DLC1: variants seen among roughly 807,000 people sequenced by gnomAD.
DLC1 encodes DLC1 Rho GTPase activating protein, also known as rho GTPase-activating protein 7.
Under a neutral mutation model 140.3 loss-of-function variants are expected in DLC1, and 54 were observed. The ratio of observed to expected loss-of-function variants is 0.38; its 90% CI spans 0.31 to 0.48. The LOEUF is 0.48. Among genes scored for constraint, DLC1 ranks in the 20% least tolerant of loss-of-function variants. The probability of loss-of-function intolerance (pLI) is 0.96; values close to 1 mark genes in which losing one functional copy is unlikely to be tolerated. For missense variants in DLC1, 2,536 were observed against 1,907.0 expected (o/e 1.33, Z -6.14); for synonymous variants, 986 against 728.1 (o/e 1.35, Z -5.70).
At chr8:13,485,055 A>C (rs923050196) in intron 2 of DLC1, among the ~76,000 whole-genome samples, 3 of 152,158 alleles carry the variant, frequency 2.0e-5, no homozygotes, top group African/African-American at 7.2e-5. Context: ...ACAACAATAA[A>C]AATCCCTAGA....
intron 2 of DLC1, among the ~76,000 whole-genome samples, chr8:13,480,458 A>G (rs1054701291): frequency 3.9e-5 from 6 of 152,166 alleles, no homozygotes; most frequent in African/African-American, 1.4e-4. Context: ...GATAGACTAT[A>G]TCTTCTTCCT....
intron 3 of DLC1, among the ~76,000 whole-genome samples, chr8:13,398,400 C>T (rs1048156263): frequency 1.3e-5 from 2 of 152,020 alleles, no homozygotes; most frequent in African/African-American, 4.8e-5. Context: ...TGAGAGACTG[C>T]ACTGGCACTG....
intron 2 of DLC1, among the ~76,000 whole-genome samples, chr8:13,410,774 G>C (rs1164916352): frequency 6.6e-6 from 1 of 152,102 alleles, no homozygotes; most frequent in East Asian, 1.9e-4. Context: ...TGTACTCTCT[G>C]TTTCCCCACT....
intron 5 of DLC1, among the ~76,000 whole-genome samples, chr8:13,119,966 C>A (rs1820899318): frequency 7.9e-6 from 1 of 127,036 alleles, no homozygotes; most frequent in Non-Finnish European, 1.8e-5. Context: ...TTTCTACATT[C>A]AAATGCCATA....
At chr8:13,162,620 G>C (rs892527638) in intron 5 of DLC1, among the ~76,000 whole-genome samples, 4 of 152,180 alleles carry the variant, frequency 2.6e-5, no homozygotes, top group African/African-American at 9.6e-5. Context: ...ACGGCTCCCA[G>C]CCAGTAGGCT....
At chr8:13,347,659 G>A (rs904524998) in intron 4 of DLC1, among the ~76,000 whole-genome samples, 2 of 152,164 alleles carry the variant, frequency 1.3e-5, no homozygotes, top group Non-Finnish European at 2.9e-5. Context: ...GTCACTTCCA[G>A]GATGCCTGGG....
intron 4 of DLC1, among the ~76,000 whole-genome samples, chr8:13,343,392 A>T (rs1035856248): frequency 3.3e-5 from 5 of 152,208 alleles, no homozygotes; most frequent in Non-Finnish European, 5.9e-5. Context: ...GTCCTCAATC[A>T]GTTATGATAA....
chr8:13,508,513 G>A (rs905233787), intron 1 of DLC1, among the ~76,000 whole-genome samples: 17 of 151,208 alleles, frequency 1.1e-4, no homozygotes, highest in African/African-American at 4.1e-4. Flanking sequence ...TGCCTCCCGA[G>A]TTCATGCCAT....
chr8:13,094,143 C>T (rs531882278), intron 12 of DLC1, among the ~76,000 whole-genome samples: 2 of 152,158 alleles, frequency 1.3e-5, no homozygotes, highest in African/African-American at 2.4e-5. Context: ...ATCTTCGTAC[C>T]TGATCTTTAT....
chr8:13,398,235 T>A (rs1345417255), intron 3 of DLC1, among the ~76,000 whole-genome samples: 1 of 152,008 alleles, frequency 6.6e-6, no homozygotes, highest in African/African-American at 2.4e-5. Context: ...AAGGAAGGGA[T>A]GAGCTAGAGC....
At chr8:13,459,985 G>T (rs78411848) in intron 2 of DLC1, among the ~76,000 whole-genome samples, 9,721 of 152,082 alleles carry the variant, frequency 0.064, 703 homozygotes, top group African/African-American at 0.18. Context: ...TGTGTCTGAA[G>T]CTACCCACCC....
intron 1 of DLC1, chr8:13,583,913 A>C (rs1435315599): frequency 6.6e-6 from 1 of 152,264 alleles, no homozygotes; most frequent in Non-Finnish European, 1.5e-5. Flanking sequence ...ATAAACATGC[A>C]CTGGATGACA....
At chr8:13,426,683 G>T (rs148829994) in intron 2 of DLC1, among the ~76,000 whole-genome samples, 25 of 152,258 alleles carry the variant, frequency 1.6e-4, no homozygotes, top group Admixed American at 6.5e-4. Context: ...TTAGAAATCA[G>T]TCCTTCTTCC....
intron 6 of DLC1, among the ~76,000 whole-genome samples, chr8:13,111,105 G>T (rs1346422891): frequency 6.6e-6 from 1 of 152,158 alleles, no homozygotes; most frequent in African/African-American, 2.4e-5. Flanking sequence ...AAACAAATCA[G>T]CAGGCAATGA....
upstream of DLC1, among the ~76,000 whole-genome samples, chr8:13,518,175 C>T (rs1802652294): frequency 6.6e-6 from 1 of 151,946 alleles, no homozygotes; most frequent in Admixed American, 6.6e-5. Flanking sequence ...TGGTGGTGAT[C>T]TCGGCTCAAG....
rs748788649 is a variant in DLC1, at chr8:13,488,609, C to A, written c.1023+10440G>T. Among the ~76,000 whole-genome samples the A allele has an allele frequency of 4.0e-4, 61 of 152,268 alleles. 1 individual carries two copies. The Middle Eastern group carries it at 0.014, about 34-fold the overall frequency. ...ATCCTTTAAAGCTCAGCCCAGACAC[C>A]AGCTGAGCGAAGACTTTTCTGACCT... is the stretch of plus-strand genomic sequence containing the variant. On this transcript the variant is annotated intron_variant, in intron 2 of 17. Transcript: ENST00000276297.
chr8:13,602,231 T>A (rs1166359218), intron 1 of DLC1, among the ~76,000 whole-genome samples: 2 of 151,726 alleles, frequency 1.3e-5, no homozygotes, highest in African/African-American at 4.8e-5. Context: ...TTCAATGATG[T>A]GTGAAGGAAA....
At chr8:13,467,014 A>T (rs1799972588) in intron 2 of DLC1, among the ~76,000 whole-genome samples, 3 of 151,870 alleles carry the variant, frequency 2.0e-5, no homozygotes, top group Admixed American at 2.0e-4. Flanking sequence ...TACTTATTTT[A>T]GATCTTCTTT....
At chr8:13,219,499 T>C (rs138487624) in intron 5 of DLC1, among the ~76,000 whole-genome samples, 1,971 of 144,552 alleles carry the variant, frequency 0.014, 55 homozygotes, top group African/African-American at 0.047. Flanking sequence ...ATATTTAACT[T>C]ACTAAGAAAC....
Sources: allele counts gnomAD v4.1 joint callset (sites outside exome capture counted in the v4.1 genomes callset), GRCh38; gene constraint gnomAD v4.1.1; transcripts MANE v1.5; gene names NCBI Gene and HGNC (gene_info 2026-07-23, HGNC 2026-07-21).